PAK3: variants seen among roughly 807,000 people sequenced by gnomAD.
PAK3 encodes the protein p21 (RAC1) activated kinase 3.
PAK3 carries 4 observed loss-of-function variants against 41.0 expected under a neutral mutation model. That is an observed-to-expected ratio of 0.10 (90% CI 0.05 to 0.22). The LOEUF (loss-of-function observed/expected upper bound fraction) is 0.22, where lower values mean the gene tolerates loss of function less well. Ranked by LOEUF, PAK3 falls within the 10% of genes least tolerant of loss-of-function variation. The pLI is 1.00. For synonymous variants in PAK3, 146 were observed against 139.6 expected, an observed-to-expected ratio of 1.05 and a Z score of -0.32; for missense variants, 205 against 409.9, an observed-to-expected ratio of 0.50 and a Z score of 4.32.
intron 1 of PAK3, among the ~76,000 whole-genome samples, chrX:111,049,589 C>A (rs1327074549): frequency 8.9e-6 from 1 of 112,138 alleles, no homozygotes; most frequent in Non-Finnish European, 1.9e-5. Flanking sequence ...CAGTATTAGA[C>A]TAATCCCACC....
At chrX:111,167,911 A>G (rs1301904098) in intron 10 of PAK3, among the ~76,000 whole-genome samples, 1 of 111,360 alleles carries the variant, frequency 9.0e-6, no homozygotes, top group Non-Finnish European at 1.9e-5. Flanking sequence ...ACAAATTTCA[A>G]AAGCCATTAC....
At chrX:110,967,675 G>A (rs747640524) in intron 1 of PAK3, among the ~76,000 whole-genome samples, 2 of 111,942 alleles carry the variant, frequency 1.8e-5, no homozygotes, top group Non-Finnish European at 3.8e-5. Context: ...TACGGGCCAA[G>A]CAAAATATAT....
intron 16 of PAK3, among the ~76,000 whole-genome samples, chrX:111,201,723 T>C (rs1175070545): frequency 3.8e-5 from 4 of 106,159 alleles, no homozygotes; most frequent in African/African-American, 1.2e-4. Context: ...CTGCTTCCTA[T>C]CTGTAAAATG....
intron 7 of PAK3, among the ~76,000 whole-genome samples, chrX:111,151,999 C>A (rs2094035237): frequency 8.9e-6 from 1 of 112,135 alleles, no homozygotes; most frequent in Non-Finnish European, 1.9e-5. Context: ...GTTTGAAACT[C>A]ATGAATTGGT....
rs143591118 is a variant in PAK3 at position 111,152,447 on chromosome X, G to A, written c.468G>A (p.Ser156=). ...ATGGATACATAGCAGCCCATCCTTC[G>A]GTAAGTGAAAAATTGAAAACTGTTT... is the stretch of plus-strand genomic sequence containing the variant. ...SAHGYIAAHP[S]STKTASEPPL... Residue 156 remains serine (S), a splice_region_variant and synonymous_variant, in exon 8 of 18, where the codon TCG becomes TCA. Transcript: ENST00000372007. The A allele has an allele frequency of 1.7e-4, 196 of 1,156,194 alleles. No homozygotes were observed. Among genetic ancestry groups the A allele is most frequent in the Middle Eastern group, 9.4e-4 (4 of 4,252 alleles).
At chrX:111,173,294 T>C (rs1381356672) in intron 11 of PAK3, among the ~76,000 whole-genome samples, 2 of 111,584 alleles carry the variant, frequency 1.8e-5, no homozygotes, top group African/African-American at 6.5e-5. Context: ...ATCTTCATTA[T>C]TGTTGGGCTG....
intron 4 of PAK3, among the ~76,000 whole-genome samples, chrX:111,122,142 G>T (rs1285390995): frequency 9.5e-6 from 1 of 105,663 alleles, no homozygotes. Context: ...TGTAGTCCCA[G>T]CTACTAGGGA....
intron 1 of PAK3, among the ~76,000 whole-genome samples, chrX:111,088,885 C>G (rs1002287526): frequency 3.6e-5 from 4 of 111,821 alleles, no homozygotes; most frequent in African/African-American, 1.3e-4. Context: ...ATTCTCCCAG[C>G]CTGATTAATG....
intron 1 of PAK3, among the ~76,000 whole-genome samples, chrX:111,082,676 A>T (rs1288056432): frequency 8.9e-6 from 1 of 111,878 alleles, no homozygotes; most frequent in Non-Finnish European, 1.9e-5. Flanking sequence ...TTTTACTTGG[A>T]TTATTACTAT....
intron 5 of PAK3, among the ~76,000 whole-genome samples, chrX:111,131,376 A>G (rs1173441353): frequency 9.0e-6 from 1 of 111,461 alleles, no homozygotes; most frequent in Non-Finnish European, 1.9e-5. Context: ...ATCAATATGT[A>G]TTCGCCCAAG....
At chrX:111,163,505 C>A in intron 9 of PAK3, 57 bp from the exon 10 acceptor site, 1 of 829,386 alleles carries the variant, frequency 1.2e-6, no homozygotes, top group Non-Finnish European at 1.8e-6. Context: ...AATACATTGA[C>A]TCCACACTCT....
chrX:111,105,888 C>T (rs377666543), intron 4 of PAK3, among the ~76,000 whole-genome samples: 3 of 111,900 alleles, frequency 2.7e-5, no homozygotes, highest in Non-Finnish European at 3.8e-5. Flanking sequence ...CAATCACTTA[C>T]ACACACAGGT....
At chrX:111,042,944 T>C (rs1483038562) in intron 1 of PAK3, among the ~76,000 whole-genome samples, 1 of 111,741 alleles carries the variant, frequency 8.9e-6, no homozygotes, top group Non-Finnish European at 1.9e-5. Context: ...GACCACTCCA[T>C]ACTTCACTCA....
At chrX:111,024,779 G>A (rs1288642724) in intron 1 of PAK3, among the ~76,000 whole-genome samples, 1 of 110,767 alleles carries the variant, frequency 9.0e-6, no homozygotes, top group African/African-American at 3.3e-5. Flanking sequence ...AACCTAAACT[G>A]TACCCTACAA....
In PAK3 at chrX:111,005,865, A is replaced by G. The variant is rs192122185; in HGVS notation, c.-28+61237A>G. ...AAAAAATGAATGTTTTGTTTACATTAGTGAGGTGGCATCAAAAAGCAATGA... is the reference window on the plus strand; with the variant it reads ...AAAAAATGAATGTTTTGTTTACATTGGTGAGGTGGCATCAAAAAGCAATGA... On this transcript the variant is annotated intron_variant, in intron 1 of 14. Transcript: ENST00000425146. 3.6e-5 allele frequency among the ~76,000 whole-genome samples: 4 copies of G among 111,946 alleles called. No homozygotes were observed. The East Asian group carries it at 1.1e-3, about 32-fold the overall frequency.
At chrX:111,000,717 ACTCT>A (rs771230667) in intron 1 of PAK3, among the ~76,000 whole-genome samples, 1 of 111,535 alleles carries the variant, frequency 9.0e-6, no homozygotes, top group East Asian at 2.8e-4. Context: ...ATATATGGTA[ACTCT>A]CTGTGCTATG....
chrX:110,971,664 A>G (rs1174236280), intron 1 of PAK3, among the ~76,000 whole-genome samples: 1 of 111,976 alleles, frequency 8.9e-6, no homozygotes, highest in Non-Finnish European at 1.9e-5. Context: ...TTTAAAGTAC[A>G]AATGTCTTTA....
chrX:111,009,237 GT>G (rs1174142181), intron 1 of PAK3, among the ~76,000 whole-genome samples: 2 of 110,823 alleles, frequency 1.8e-5, no homozygotes, highest in Admixed American at 1.9e-4. Flanking sequence ...TCCCCACTTT[GT>G]TTCTCCTTCC....
intron 6 of PAK3, among the ~76,000 whole-genome samples, chrX:111,144,484 A>T (rs746785897): frequency 8.9e-4 from 99 of 111,629 alleles, no homozygotes; most frequent in African/African-American, 3.0e-3. Flanking sequence ...CAAATTATAA[A>T]AAGCTTTTAA....
Sources: gnomAD v4.1 joint callset for allele counts (sites outside exome capture counted in the v4.1 genomes callset) on GRCh38, gnomAD v4.1.1 for gene constraint, MANE v1.5 for transcripts, NCBI Gene and HGNC (gene_info 2026-07-23, HGNC 2026-07-21) for gene names.